MED13L: variants seen among roughly 807,000 people sequenced by gnomAD.
MED13L encodes mediator of RNA polymerase II transcription subunit 13-like.
Under a neutral mutation model 220.9 loss-of-function variants are expected in MED13L, and 7 were observed. The ratio of observed to expected loss-of-function variants is 0.03; its 90% CI spans 0.02 to 0.06. The LOEUF (loss-of-function observed/expected upper bound fraction) is 0.06. MED13L is among the 10% of genes least tolerant of loss of function. MED13L has a pLI of 1.00. For missense variants in MED13L, 1,965 were observed against 2,760.5 expected, an observed-to-expected ratio of 0.71 and a Z score of 6.46; for synonymous variants, 1,011 against 1,015.2, an observed-to-expected ratio of 1.00 and a Z score of 0.08.
At chr12:116,072,947 C>T (rs1053318916) in intron 4 of MED13L, among the ~76,000 whole-genome samples, 3 of 152,294 alleles carry the variant, frequency 2.0e-5, no homozygotes, top group Admixed American at 2.0e-4. Flanking sequence ...AAAGTCCACA[C>T]TCGGATACTA....
intron 4 of MED13L, among the ~76,000 whole-genome samples, chr12:116,023,874 T>C (rs1429080240): frequency 2.0e-5 from 3 of 152,182 alleles, no homozygotes; most frequent in Admixed American, 6.5e-5. Flanking sequence ...TGAACATCTA[T>C]AGGTATAAAA....
intron 2 of MED13L, among the ~76,000 whole-genome samples, chr12:116,179,348 G>A (rs148063645): frequency 1.3e-4 from 20 of 152,020 alleles, no homozygotes; most frequent in Middle Eastern, 3.4e-3. Context: ...GGTGGCTCAC[G>A]TCTATAACCC....
intron 2 of MED13L, among the ~76,000 whole-genome samples, chr12:116,116,267 C>T (rs1593062371): frequency 6.6e-6 from 1 of 152,192 alleles, no homozygotes; most frequent in African/African-American, 2.4e-5. Flanking sequence ...TAGGGAGAAG[C>T]GCTGAAAGTT....
At chr12:116,266,516 C>G (rs184105616) in intron 1 of MED13L, among the ~76,000 whole-genome samples, 1 of 152,150 alleles carries the variant, frequency 6.6e-6, no homozygotes. Flanking sequence ...CTATAGCTCC[C>G]GCTCTGACTG....
rs913620428 is a variant in MED13L at position 116,129,956 on chromosome 12, A to G, written c.311-18444T>C. On this transcript the variant is annotated intron_variant, in intron 2 of 30. Coordinates refer to ENST00000281928, the MANE Select transcript of MED13L (RefSeq NM_015335.5). ...GAAAGAAAGAAAGAATGAAATGATC[A>G]GCACATATCCATTTACCTCAAGAGT... Among the ~76,000 whole-genome samples, 3 of 152,092 alleles carry G rather than the reference A, an allele frequency of 2.0e-5. No homozygotes were observed. In the South Asian group the frequency reaches 6.2e-4, roughly 32 times the overall value.
At position 116,158,959 on chromosome 12, in the gene MED13L, G is replaced by A. The variant is rs559063147; in HGVS notation, c.311-47447C>T. Among the ~76,000 whole-genome samples, 67 of 152,194 alleles carry A rather than the reference G, an allele frequency of 4.4e-4. 2 individuals are homozygous for A. The South Asian group carries it at 0.014, about 31-fold the overall frequency. On this transcript the variant is annotated intron_variant, in intron 2 of 30. Transcript: ENST00000281928. ...CAAATCCAGAAATTTAAAAAGAACT[G>A]GCTCATGTCAACAATCAACCAATAG...
intron 2 of MED13L, among the ~76,000 whole-genome samples, chr12:116,184,554 C>T (rs951077347): frequency 2.0e-5 from 3 of 152,064 alleles, no homozygotes; most frequent in African/African-American, 7.2e-5. Context: ...AATTTTGTGG[C>T]AAATCCTCAA....
Position 115,968,994 on chromosome 12 carries a change from G to A in MED13L, c.6171C>T (p.Pro2057=), listed in dbSNP as rs1350697494. 1.1e-5 allele frequency: 18 copies of A among 1,614,004 alleles called. No homozygotes were observed. Among genetic ancestry groups the A allele is most frequent in the Non-Finnish European group, 1.5e-5 (18 of 1,180,010 alleles). The change falls in exon 28 of 31, where the codon CCC becomes CCT. Residue 2057 remains proline, a synonymous_variant. Transcript: ENST00000281928. Reference sequence around the variant, plus strand: ...CAATTCCAGAAGGAGAGCCTGGGGAGGGTACTGGGGAAGAGTTGGGAGAGG... The same window carrying A: ...CAATTCCAGAAGGAGAGCCTGGGGAAGGTACTGGGGAAGAGTTGGGAGAGG... ...LHSSPNSSPV[P]SPGSPSGIGV...
At chr12:116,240,698 G>A (rs60150279) in intron 1 of MED13L, among the ~76,000 whole-genome samples, 22,534 of 151,086 alleles carry the variant, frequency 0.15, 1,910 homozygotes, top group Middle Eastern at 0.22. Flanking sequence ...CACCGCGCCC[G>A]GCTAATTTTT....
intron 3 of MED13L, among the ~76,000 whole-genome samples, chr12:116,100,186 T>C (rs566386218): frequency 6.6e-6 from 1 of 152,114 alleles, no homozygotes; most frequent in South Asian, 2.1e-4. Context: ...AGAGAGAAGG[T>C]GTGCCTTTTC....
At chr12:116,229,058 T>C (rs939491488) in intron 2 of MED13L, among the ~76,000 whole-genome samples, 1 of 152,158 alleles carries the variant, frequency 6.6e-6, no homozygotes, top group Non-Finnish European at 1.5e-5. Flanking sequence ...ATTACAGGCA[T>C]GAGCCATCAC....
In MED13L at chr12:116,237,687, T is replaced by C; in HGVS notation, c.91A>G (p.Lys31Glu). ...CCTCCAAAATTGTACCTACGCCATTTGATTCCCGTGAGTTCAGCCTGGAAA... is the reference window on the plus strand; with the variant it reads ...CCTCCAAAATTGTACCTACGCCATTCGATTCCCGTGAGTTCAGCCTGGAAA... Reference protein sequence around the residue: ...LFSLAELTGIKWRRYNFGGHG... With the variant: ...LFSLAELTGIEWRRYNFGGHG... Residue 31 changes from lysine to glutamate, a missense_variant, in exon 2 of 31, where the codon AAA (lysine) becomes GAA (glutamate). Lys to Glu is a moderately conservative substitution (Grantham distance 56). Coordinates refer to ENST00000281928, the MANE Select transcript of MED13L (RefSeq NM_015335.5). The C allele has an allele frequency of 6.2e-7, 1 of 1,614,212 alleles. No homozygotes were observed. The highest frequency in any genetic ancestry group is 8.5e-7 in the Non-Finnish European group (1 of 1,180,030).
intron 4 of MED13L, among the ~76,000 whole-genome samples, chr12:116,091,176 A>G (rs947117894): frequency 1.3e-5 from 2 of 151,898 alleles, no homozygotes; most frequent in Admixed American, 6.6e-5. Context: ...TTACTATAAA[A>G]AAGAATTTAA....
At chr12:116,097,634 T>C (rs1231746013) in intron 3 of MED13L, among the ~76,000 whole-genome samples, 2 of 152,336 alleles carry the variant, frequency 1.3e-5, no homozygotes, top group African/African-American at 2.4e-5. Flanking sequence ...AAACAAGGAA[T>C]TGCAATTGTG....
chr12:116,100,362 G>A (rs999852824), intron 3 of MED13L, among the ~76,000 whole-genome samples: 3 of 151,934 alleles, frequency 2.0e-5, no homozygotes, highest in African/African-American at 7.3e-5. Context: ...ACTTTGGGAG[G>A]CCGAGATGGG....
chr12:116,171,285 C>A (rs1879666605), intron 2 of MED13L, among the ~76,000 whole-genome samples: 1 of 152,136 alleles, frequency 6.6e-6, no homozygotes, highest in Admixed American at 6.5e-5. Flanking sequence ...AGCCACATGG[C>A]TTTTTCATCA....
At chr12:116,170,399 T>C (rs1879584245) in intron 2 of MED13L, among the ~76,000 whole-genome samples, 1 of 152,096 alleles carries the variant, frequency 6.6e-6, no homozygotes, top group Non-Finnish European at 1.5e-5. Context: ...ATCTGATTGA[T>C]CATAGTTTAT....
chr12:116,119,373 C>T (rs139540282), intron 2 of MED13L, among the ~76,000 whole-genome samples: 280 of 152,210 alleles, frequency 1.8e-3, no homozygotes, highest in African/African-American at 6.5e-3. Context: ...GCATCTAGTG[C>T]TTGGTGGTAG....
chr12:116,020,738 C>T (rs1291361578), intron 5 of MED13L, among the ~76,000 whole-genome samples: 2 of 152,164 alleles, frequency 1.3e-5, no homozygotes, highest in Non-Finnish European at 2.9e-5. Context: ...TAATATAGTA[C>T]TGTGAATTAC....
Sources: allele counts gnomAD v4.1 joint callset (sites outside exome capture counted in the v4.1 genomes callset), GRCh38; gene constraint gnomAD v4.1.1; transcripts MANE v1.5; gene names NCBI Gene and HGNC (gene_info 2026-07-23, HGNC 2026-07-21).